SEC24B: variants seen among roughly 807,000 people sequenced by gnomAD.
SEC24B encodes the protein protein transport protein Sec24B.
A neutral mutation model predicts 142.8 loss-of-function variants in SEC24B; 45 were observed. That is an observed-to-expected ratio of 0.32 (90% CI 0.25 to 0.40). The LOEUF is 0.40. SEC24B is among the 10% of genes least tolerant of loss of function. SEC24B has a pLI of 1.00. For synonymous variants in SEC24B, 574 were observed against 568.2 expected (o/e 1.01, Z -0.15); for missense variants, 1,409 against 1,526.8 (o/e 0.92, Z 1.29).
intron 5 of SEC24B, among the ~76,000 whole-genome samples, chr4:109,492,610 A>T (rs1735132228): frequency 6.6e-6 from 1 of 152,212 alleles, no homozygotes; most frequent in Non-Finnish European, 1.5e-5. Flanking sequence ...TTTATACTAC[A>T]CCAAAATTAA....
At chr4:109,456,296 T>C (rs1463968942) in intron 1 of SEC24B, among the ~76,000 whole-genome samples, 1 of 151,554 alleles carries the variant, frequency 6.6e-6, no homozygotes, top group Non-Finnish European at 1.5e-5. Flanking sequence ...ATTTTCTACT[T>C]AGTCATGTCA....
chr4:109,482,987 C>T (rs1329602867), intron 4 of SEC24B, among the ~76,000 whole-genome samples: 35 of 93,650 alleles, frequency 3.7e-4, no homozygotes, highest in South Asian at 9.4e-4. Context: ...TATACACACA[C>T]ACACACACAC....
chr4:109,444,377 A>C (rs1027812917), intron 1 of SEC24B, among the ~76,000 whole-genome samples: 4 of 152,014 alleles, frequency 2.6e-5, no homozygotes, highest in African/African-American at 9.7e-5. Flanking sequence ...GGTGTTAGTA[A>C]TGAATTAGAG....
In SEC24B at chr4:109,521,446, A is replaced by C. The variant is rs116940485; in HGVS notation, c.2328A>C (p.Leu776Phe). 8 of 1,613,936 alleles carry C rather than the reference A, an allele frequency of 5.0e-6. No homozygotes were observed. Among genetic ancestry groups the C allele is most frequent in the African/African-American group, 1.3e-5 (1 of 74,942 alleles). The change falls in exon 14 of 24, where the codon TTA becomes TTC. Residue 776 changes from leucine to phenylalanine, a missense_variant. Leu to Phe is a conservative substitution (Grantham distance 22, BLOSUM62 0). This residue lies in a region of SEC24B where 700 missense variants were observed against 853.3 expected (regional missense o/e 0.82). Coordinates refer to ENST00000265175, the MANE Select transcript of SEC24B (RefSeq NM_006323.5). ...TTATAAAAGACTTACTGAATGCATT[A>C]CCAAACATGTTCACCAATACAAGAG... ...KELIKDLLNA[L>F]PNMFTNTRET... is the part of the protein sequence containing the mutation.
chr4:109,436,586 T>C (rs1260126754), intron 1 of SEC24B, among the ~76,000 whole-genome samples: 1 of 152,336 alleles, frequency 6.6e-6, no homozygotes, highest in East Asian at 1.9e-4. Context: ...GATAGGAGTG[T>C]CGCTTGCTAC....
At chr4:109,484,958 G>A (rs1379657031) in intron 4 of SEC24B, among the ~76,000 whole-genome samples, 2 of 151,722 alleles carry the variant, frequency 1.3e-5, no homozygotes, top group Admixed American at 6.6e-5. Flanking sequence ...AGTTTTTATG[G>A]CATTTGGATT....
Position 109,521,762 on chromosome 4 carries a change from C to T in SEC24B, c.2508+136C>T, listed in dbSNP as rs1723641110. ...TTGTTTCTTTTTTGAGACGTGGTCTCACACTGTTGCCCAGGCTGGAGCGCA... is the reference window on the plus strand; with the variant it reads ...TTGTTTCTTTTTTGAGACGTGGTCTTACACTGTTGCCCAGGCTGGAGCGCA... On this transcript the variant is annotated intron_variant, in intron 14 of 23. Coordinates refer to ENST00000265175, the MANE Select transcript of SEC24B (RefSeq NM_006323.5). The T allele has an allele frequency of 4.3e-6, 3 of 699,184 alleles. No individual in the cohort carries two copies. In the African/African-American group the frequency reaches 5.4e-5, roughly 13 times the overall value. 43.3% of individuals were successfully genotyped at this position (699,184 alleles called of 1,614,324 possible).
intron 3 of SEC24B, among the ~76,000 whole-genome samples, chr4:109,475,122 A>G (rs1451000099): frequency 6.6e-6 from 1 of 152,118 alleles, no homozygotes; most frequent in Non-Finnish European, 1.5e-5. Flanking sequence ...GCTGTTGACA[A>G]ACTAACTCTT....
intron 6 of SEC24B, among the ~76,000 whole-genome samples, chr4:109,499,261 C>T (rs1735857629): frequency 6.6e-6 from 1 of 152,100 alleles, no homozygotes; most frequent in Non-Finnish European, 1.5e-5. Flanking sequence ...ATTTGTTTAA[C>T]AGTATAAGAA....
At chr4:109,476,804 G>A (rs1733198523) in intron 3 of SEC24B, among the ~76,000 whole-genome samples, 1 of 152,146 alleles carries the variant, frequency 6.6e-6, no homozygotes, top group Non-Finnish European at 1.5e-5. Flanking sequence ...TTGTAAGTGA[G>A]GAAATTTAAA....
intron 10 of SEC24B, among the ~76,000 whole-genome samples, chr4:109,515,626 G>C (rs1382901116): frequency 6.6e-6 from 1 of 152,046 alleles, no homozygotes; most frequent in East Asian, 1.9e-4. Context: ...ACTGCACCTG[G>C]CCTATTTCAA....
At chr4:109,513,682 G>T (rs757834460) in intron 9 of SEC24B, 65 bp from the exon 10 acceptor site, 2 of 827,018 alleles carry the variant, frequency 2.4e-6, no homozygotes, top group Non-Finnish European at 4.2e-6. Context: ...TTTATTTTTA[G>T]GTGTGTATAT....
chr4:109,476,777 CAT>C (rs562619657), intron 3 of SEC24B, among the ~76,000 whole-genome samples: 80 of 152,310 alleles, frequency 5.3e-4, no homozygotes, highest in Non-Finnish European at 1.0e-3. Context: ...ACAAGCATAT[CAT>C]ATGTTTTCTT....
chr4:109,452,796 G>A (rs909270151), intron 1 of SEC24B, among the ~76,000 whole-genome samples: 15 of 152,060 alleles, frequency 9.9e-5, no homozygotes, highest in Non-Finnish European at 1.5e-5. Context: ...GTTTTTTATT[G>A]AGTATCTGAT....
intron 18 of SEC24B, among the ~76,000 whole-genome samples, chr4:109,528,138 T>G (rs188462914): frequency 6.6e-6 from 1 of 152,264 alleles, no homozygotes; most frequent in South Asian, 2.1e-4. Context: ...GGCTCATGCC[T>G]GTAATGAGCT....
intron 11 of SEC24B, among the ~76,000 whole-genome samples, chr4:109,517,943 GTTTGTTTATTTATTTA>G (rs1356016663): frequency 5.7e-5 from 8 of 139,828 alleles, no homozygotes; most frequent in African/African-American, 8.1e-5. Flanking sequence ...TTGTTTGTTT[GTTTGTTTATTTATTTA>G]TTTATTTATT....
rs1554009213 is a variant in SEC24B at position 109,521,125 on chromosome 4, C to G, written c.2254C>G (p.Leu752Val). Reference sequence around the variant, plus strand: ...ATGTGTTTTCCCTATAGATGTTTTTCTACCTACACCGGATAGTTTACTTGT... The same window carrying G: ...ATGTGTTTTCCCTATAGATGTTTTTGTACCTACACCGGATAGTTTACTTGT... ...LIVSDIDDVF[L>V]PTPDSLLVNL... The change falls in exon 13 of 24, where the codon CTA becomes GTA. Residue 752 changes from leucine to valine, a missense_variant. By Grantham distance (32) the Leu-to-Val change is conservative. This residue lies in a region of SEC24B where 700 missense variants were observed against 853.3 expected (regional missense o/e 0.82). Transcript: ENST00000265175. The G allele has an allele frequency of 6.6e-7, 1 of 1,507,192 alleles. No individual in the cohort carries two copies. The highest frequency in any genetic ancestry group is 9.2e-7 in the Non-Finnish European group (1 of 1,088,486). 93.4% of individuals were successfully genotyped at this position (1,507,192 alleles called of 1,614,324 possible).
chr4:109,539,705 C>A lies in SEC24B; in HGVS notation c.*30C>A, dbSNP rs759148890. The A allele has an allele frequency of 1.5e-5, 21 of 1,405,610 alleles. No homozygotes were observed. Among genetic ancestry groups the A allele is most frequent in the Non-Finnish European group, 2.0e-5 (20 of 995,634 alleles). The allele number at this position is 1,405,610 out of a possible 1,614,324, so 87.1% of individuals were successfully genotyped here. ...GAATAAAATTGAATAAGAAAAAGAT[C>A]TATAACCTAGGTAAAGCATAATCTG... is the stretch of plus-strand genomic sequence containing the variant. On this transcript the variant is annotated 3_prime_UTR_variant, in exon 24 of 24. Coordinates refer to ENST00000265175, the MANE Select transcript of SEC24B (RefSeq NM_006323.5).
chr4:109,483,849 G>A (rs1289645735), intron 4 of SEC24B, among the ~76,000 whole-genome samples: 1 of 152,096 alleles, frequency 6.6e-6, no homozygotes. Context: ...AAAGAAACCC[G>A]CATGTACGCT....
Sources: allele counts gnomAD v4.1 joint callset (sites outside exome capture counted in the v4.1 genomes callset), GRCh38; gene constraint gnomAD v4.1.1; regional missense constraint gnomAD v4.1.1; transcripts MANE v1.5; gene names NCBI Gene and HGNC (gene_info 2026-07-23, HGNC 2026-07-21).